Variants in CCDC88C observed in about 807,000 individuals in gnomAD.
The protein encoded by CCDC88C is coiled-coil and HOOK domain protein 88C.
Under a neutral mutation model 198.8 loss-of-function variants are expected in CCDC88C, and 131 were observed. The observed-to-expected ratio is 0.66, with a 90% CI of 0.57 to 0.76. CCDC88C has a LOEUF of 0.76. Among genes scored for constraint, CCDC88C ranks in the 30% least tolerant of loss-of-function variants. The probability of loss-of-function intolerance (pLI) is 0.00; values close to 1 mark genes in which losing one functional copy is unlikely to be tolerated. For missense variants in CCDC88C, 2,553 were observed against 2,631.6 expected, an observed-to-expected ratio of 0.97 and a Z score of 0.65; for synonymous variants, 1,166 against 1,114.7, an observed-to-expected ratio of 1.05 and a Z score of -0.92.
intron 3 of CCDC88C, among the ~76,000 whole-genome samples, chr14:91,384,229 G>A (rs1884983758): frequency 6.6e-6 from 1 of 151,814 alleles, no homozygotes; most frequent in South Asian, 2.1e-4. Context: ...TTGAGTCTAG[G>A]AGTTCGAGAC....
At chr14:91,290,576 A>G (rs979586134) in intron 24 of CCDC88C, among the ~76,000 whole-genome samples, 3 of 152,224 alleles carry the variant, frequency 2.0e-5, no homozygotes, top group African/African-American at 7.2e-5. Flanking sequence ...CATAAGGTCA[A>G]AAGGTTCCCA....
chr14:91,388,852 G>A (rs1053897732), intron 3 of CCDC88C, among the ~76,000 whole-genome samples: 1 of 152,184 alleles, frequency 6.6e-6, no homozygotes, highest in Non-Finnish European at 1.5e-5. Context: ...CCCCACGAAA[G>A]CCACAGATTC....
At chr14:91,365,231 CTGAGAGGCAGGACAGAA>C (rs1007482774) in intron 3 of CCDC88C, among the ~76,000 whole-genome samples, 66 of 152,094 alleles carry the variant, frequency 4.3e-4, no homozygotes, top group South Asian at 3.7e-3. Flanking sequence ...TTCTGCCCTC[CTGAGAGGCAGGACAGAA>C]TGAGAGGCAG....
Position 91,313,705 on chromosome 14 carries a change from G to A in CCDC88C, c.2111C>T (p.Ala704Val), listed in dbSNP as rs1567069853. The change falls in exon 15 of 30, where the codon GCA (alanine) becomes GTA (valine). Residue 704 changes from alanine (A) to valine (V), a missense_variant. Coordinates refer to ENST00000389857, the MANE Select transcript of CCDC88C (RefSeq NM_001080414.4). This position sits in a 1 kb window ranked among gnomAD's most constrained non-coding sequence, Gnocchi z 5.2. Reference protein sequence around the residue: ...GLERDNKQLDAENLELRRLVE... With the variant: ...GLERDNKQLDVENLELRRLVE... ...CAGCCTGCGCAGCTCCAGGTTCTCT[G>A]CGTCCAGCTGCTTGTTGTCACGCTC... 6.2e-7 allele frequency: 1 copy of A among 1,610,888 alleles called. No homozygotes were observed. Among genetic ancestry groups the A allele is most frequent in the Non-Finnish European group, 8.5e-7 (1 of 1,179,846 alleles).
At chr14:91,359,154 T>G (rs1596109828) in intron 4 of CCDC88C, among the ~76,000 whole-genome samples, 1 of 140,726 alleles carries the variant, frequency 7.1e-6, no homozygotes, top group Non-Finnish European at 1.6e-5. Flanking sequence ...GTTGGGAGGC[T>G]TCATTCTTTT....
intron 4 of CCDC88C, among the ~76,000 whole-genome samples, chr14:91,357,540 T>C (rs1489392208): frequency 6.6e-6 from 1 of 152,186 alleles, no homozygotes; most frequent in East Asian, 1.9e-4. Context: ...TCCCCTCCTT[T>C]TGCTCCTCCA....
chr14:91,364,955 T>G (rs113826431), intron 3 of CCDC88C, among the ~76,000 whole-genome samples: 1 of 152,292 alleles, frequency 6.6e-6, no homozygotes, highest in African/African-American at 2.4e-5. Flanking sequence ...CCAGGCTTCA[T>G]AGGCAATGAA....
intron 10 of CCDC88C, 50 bp downstream of exon 10, chr14:91,337,955 C>T: frequency 6.3e-7 from 1 of 1,599,456 alleles, no homozygotes; most frequent in Non-Finnish European, 8.5e-7. Context: ...ATGTGCTTCT[C>T]AGGAATTTCC....
chr14:91,370,135 T>C (rs11626638), intron 3 of CCDC88C, among the ~76,000 whole-genome samples: 20,419 of 152,288 alleles, frequency 0.13, 1,486 homozygotes, highest in Non-Finnish European at 0.15. Flanking sequence ...CGCTAACTCC[T>C]GCCTCTGCCT....
intron 13 of CCDC88C, chr14:91,316,011 G>T: frequency 1.9e-6 from 1 of 518,114 alleles, no homozygotes; most frequent in South Asian, 2.5e-5. Context: ...GCGTCCCTCT[G>T]CCCCATCCTT....
chr14:91,365,798 G>T (rs941757954), intron 3 of CCDC88C, among the ~76,000 whole-genome samples: 9 of 152,140 alleles, frequency 5.9e-5, no homozygotes, highest in African/African-American at 2.2e-4. Context: ...AAAGAGGTGT[G>T]AGATTAGAGA....
At chr14:91,307,962 A>G (rs1396466148) in intron 17 of CCDC88C, among the ~76,000 whole-genome samples, 1 of 152,256 alleles carries the variant, frequency 6.6e-6, no homozygotes, top group Non-Finnish European at 1.5e-5. Context: ...GCATGCACCC[A>G]GAAGTAGACA....
intron 3 of CCDC88C, among the ~76,000 whole-genome samples, chr14:91,386,012 C>A (rs1885109462): frequency 6.6e-6 from 1 of 152,108 alleles, no homozygotes; most frequent in African/African-American, 2.4e-5. Flanking sequence ...CCATGTGTGA[C>A]CCTGAGCAAG....
intron 29 of CCDC88C, among the ~76,000 whole-genome samples, chr14:91,274,534 C>T (rs187025904): frequency 2.0e-5 from 3 of 152,318 alleles, no homozygotes; most frequent in Admixed American, 2.0e-4. Context: ...CAGGTGTCAG[C>T]CTGAAGGCGG....
At chr14:91,336,661 G>A (rs1209445726) in intron 10 of CCDC88C, among the ~76,000 whole-genome samples, 2 of 152,120 alleles carry the variant, frequency 1.3e-5, no homozygotes, top group Non-Finnish European at 2.9e-5. Flanking sequence ...CCCACCCCTC[G>A]CCCAGGCATG....
At chr14:91,293,395 C>T (rs76386446) in intron 23 of CCDC88C, among the ~76,000 whole-genome samples, 1,085 of 45,186 alleles carry the variant, frequency 0.024, 21 homozygotes, top group Non-Finnish European at 0.026. Flanking sequence ...CCTGCCACAG[C>T]CCACCTTCCT....
intron 4 of CCDC88C, among the ~76,000 whole-genome samples, chr14:91,345,181 TA>T (rs1567089538): frequency 3.2e-4 from 23 of 70,822 alleles, no homozygotes; most frequent in Admixed American, 5.8e-4. Context: ...TATATATATA[TA>T]TATATATATT....
At chr14:91,346,032 A>G (rs1720465214) in intron 4 of CCDC88C, among the ~76,000 whole-genome samples, 1 of 152,132 alleles carries the variant, frequency 6.6e-6, no homozygotes. Flanking sequence ...GACTTAACCA[A>G]CTCACACACT....
At chr14:91,300,536 T>TC (rs747123899) in intron 20 of CCDC88C, among the ~76,000 whole-genome samples, 9 of 152,162 alleles carry the variant, frequency 5.9e-5, no homozygotes, top group Non-Finnish European at 1.3e-4. Flanking sequence ...GAGAAGCCTC[T>TC]CCCTCTCCCC....
Sources: allele counts gnomAD v4.1 joint callset (sites outside exome capture counted in the v4.1 genomes callset), GRCh38; gene constraint gnomAD v4.1.1; non-coding constraint Gnocchi (gnomAD v3.1); transcripts MANE v1.5; gene names NCBI Gene and HGNC (gene_info 2026-07-23, HGNC 2026-07-21).